Variants in C5orf46 observed in about 807,000 individuals in gnomAD.
The protein encoded by C5orf46 is uncharacterized protein C5orf46.
C5orf46 carries 9 observed loss-of-function variants against 8.9 expected under a neutral mutation model. The observed-to-expected ratio is 1.01, with a 90% CI of 0.61 to 1.76. The LOEUF (loss-of-function observed/expected upper bound fraction) is 1.76. Ranked by LOEUF, C5orf46 falls within the 40% of genes most tolerant of loss-of-function variation. The probability of loss-of-function intolerance (pLI) is 0.00; values close to 1 mark genes in which losing one functional copy is unlikely to be tolerated. For missense variants in C5orf46, 98 were observed against 107.8 expected (o/e 0.91, Z 0.40); for synonymous variants, 47 against 41.4 (o/e 1.14, Z -0.52).
At chr5:147,903,898 C>T (rs546671593) in intron 1 of C5orf46, among the ~76,000 whole-genome samples, 1 of 152,150 alleles carries the variant, frequency 6.6e-6, no homozygotes, top group African/African-American at 2.4e-5. Flanking sequence ...CAGGCATATG[C>T]CACCACAGCT....
At chr5:147,906,373 C>T in intron 1 of C5orf46, 59 bp downstream of exon 1, 1 of 1,166,572 alleles carries the variant, frequency 8.6e-7, no homozygotes, top group South Asian at 1.6e-5. Flanking sequence ...GTGCCATCAG[C>T]TTTCTCTAGT....
chr5:147,888,117 C>T (rs925139028), downstream of C5orf46, among the ~76,000 whole-genome samples: 2 of 152,156 alleles, frequency 1.3e-5, no homozygotes, highest in Admixed American at 6.5e-5. Flanking sequence ...CAGACTCCTA[C>T]GAGTCATTCC....
chr5:147,896,272 G>A (rs754599662), intron 3 of C5orf46, among the ~76,000 whole-genome samples: 12 of 152,068 alleles, frequency 7.9e-5, no homozygotes, highest in Admixed American at 2.0e-4. Flanking sequence ...AGCCACATTA[G>A]CAAACCTCCC....
chr5:147,900,631 T>C (rs1162050772), intron 2 of C5orf46, among the ~76,000 whole-genome samples: 3 of 152,212 alleles, frequency 2.0e-5, no homozygotes, highest in South Asian at 2.1e-4. Context: ...TTGAAAACCA[T>C]ATCCATGGCC....
intron 1 of C5orf46, among the ~76,000 whole-genome samples, chr5:147,903,494 G>A (rs1238886054): frequency 6.6e-6 from 1 of 152,180 alleles, no homozygotes; most frequent in Non-Finnish European, 1.5e-5. Context: ...TAAAGGAGAT[G>A]TAACTACCTT....
intron 3 of C5orf46, among the ~76,000 whole-genome samples, chr5:147,894,797 C>T (rs1323967416): frequency 6.6e-6 from 1 of 151,066 alleles, no homozygotes; most frequent in African/African-American, 2.4e-5. Context: ...AATGGTGGCT[C>T]ACACCTGTAA....
chr5:147,895,742 G>A (rs1757569876), intron 3 of C5orf46, among the ~76,000 whole-genome samples: 1 of 152,166 alleles, frequency 6.6e-6, no homozygotes, highest in Admixed American at 6.5e-5. Flanking sequence ...GAGGCAGGCT[G>A]TTCTCTGAGA....
downstream of C5orf46, among the ~76,000 whole-genome samples, chr5:147,891,542 A>G (rs1403132284): frequency 2.0e-5 from 3 of 152,236 alleles, no homozygotes; most frequent in Non-Finnish European, 4.4e-5. Flanking sequence ...TTCAAAATGT[A>G]CAATAGACAG....
At chr5:147,903,398 T>C (rs1757701645) in intron 1 of C5orf46, among the ~76,000 whole-genome samples, 1 of 152,240 alleles carries the variant, frequency 6.6e-6, no homozygotes, top group South Asian at 2.1e-4. Flanking sequence ...AATCTAACTG[T>C]GTTTCTCGTA....
chr5:147,886,612 A>G (rs540330174), intron 2 of C5orf46: 6 of 151,314 alleles, frequency 4.0e-5, no homozygotes, highest in Admixed American at 2.6e-4. Flanking sequence ...GTTCACATTG[A>G]TGTGCTTTTT....
At chr5:147,891,550 C>T (rs1757503487), downstream of C5orf46, among the ~76,000 whole-genome samples, 1 of 152,136 alleles carries the variant, frequency 6.6e-6, no homozygotes, top group Non-Finnish European at 1.5e-5. Context: ...GTACAATAGA[C>T]AGGTGAAGAT....
chr5:147,890,148 C>T (rs1325321557), downstream of C5orf46, among the ~76,000 whole-genome samples: 1 of 152,156 alleles, frequency 6.6e-6, no homozygotes, highest in Non-Finnish European at 1.5e-5. Flanking sequence ...CATGTCCGTG[C>T]CTCTGTTATG....
rs372380037 is a variant in C5orf46, at chr5:147,906,482, C to A, written c.20G>T (p.Arg7Leu). The A allele has an allele frequency of 1.2e-6, 2 of 1,611,644 alleles. No individual in the cohort carries two copies. Among genetic ancestry groups the A allele is most frequent in the Admixed American group, 1.7e-5 (1 of 59,908 alleles). MAVSVL[R>L]LTVVLGLLVL... ...AAGCAGTCCCAGGACAACTGTCAGG[C>A]GAAGTACTGAGACAGCCATTCTGGT... Residue 7 changes from arginine (R) to leucine (L), a missense_variant, in exon 1 of 4, where the codon CGC becomes CTC. By Grantham distance (102) the Arg-to-Leu change is moderately radical. Coordinates refer to ENST00000318315, the MANE Select transcript of C5orf46 (RefSeq NM_206966.3).
At chr5:147,891,931 TAAGTA>T (rs1425316997), downstream of C5orf46, among the ~76,000 whole-genome samples, 1 of 148,182 alleles carries the variant, frequency 6.7e-6, no homozygotes, top group African/African-American at 2.7e-5. Flanking sequence ...CTCTTCTGGC[TAAGTA>T]AAAACAGGAA....
At chr5:147,899,495 G>A (rs1273325426) in intron 2 of C5orf46, among the ~76,000 whole-genome samples, 1 of 152,152 alleles carries the variant, frequency 6.6e-6, no homozygotes, top group Non-Finnish European at 1.5e-5. Flanking sequence ...GTCAAATTGA[G>A]GTAGATGGGC....
chr5:147,888,095 A>G (rs1757448310), downstream of C5orf46, among the ~76,000 whole-genome samples: 1 of 152,124 alleles, frequency 6.6e-6, no homozygotes, highest in African/African-American at 2.4e-5. Context: ...AACCATATCC[A>G]CTTGCATTAG....
At chr5:147,890,945 T>C (rs1580980398), downstream of C5orf46, among the ~76,000 whole-genome samples, 1 of 152,330 alleles carries the variant, frequency 6.6e-6, no homozygotes, top group East Asian at 1.9e-4. Context: ...AATTACTCTA[T>C]CTACTCAGCA....
downstream of C5orf46, among the ~76,000 whole-genome samples, chr5:147,887,953 C>T (rs1334904043): frequency 6.6e-6 from 1 of 152,174 alleles, no homozygotes; most frequent in East Asian, 1.9e-4. Context: ...AGCACAGGGA[C>T]ACAAGCCAAG....
intron 2 of C5orf46, among the ~76,000 whole-genome samples, chr5:147,898,373 A>G (rs1757615688): frequency 6.6e-6 from 1 of 152,086 alleles, no homozygotes. Context: ...ATTTGAGAAG[A>G]TCCTTAGATT....
Sources: gnomAD v4.1 joint callset for allele counts (sites outside exome capture counted in the v4.1 genomes callset) on GRCh38, gnomAD v4.1.1 for gene constraint, MANE v1.5 for transcripts, NCBI Gene and HGNC (gene_info 2026-07-23, HGNC 2026-07-21) for gene names.